Variants in KIAA1217 observed in about 807,000 individuals in gnomAD.
KIAA1217 encodes the protein sickle tail protein homolog.
Under a neutral mutation model 163.9 loss-of-function variants are expected in KIAA1217, and 88 were observed. The ratio of observed to expected loss-of-function variants is 0.54; its 90% confidence interval spans 0.45 to 0.64. The LOEUF (loss-of-function observed/expected upper bound fraction) is 0.64, where lower values mean the gene tolerates loss of function less well. Ranked by LOEUF, KIAA1217 falls within the 30% of genes least tolerant of loss-of-function variation. The pLI is 0.00. For synonymous variants in KIAA1217, 903 were observed against 923.1 expected (o/e 0.98, Z 0.39); for missense variants, 2,372 against 2,475.0 (o/e 0.96, Z 0.88).
chr10:24,516,751 A>C (rs2070239751), intron 10 of KIAA1217, among the ~76,000 whole-genome samples: 1 of 152,232 alleles, frequency 6.6e-6, no homozygotes, highest in African/African-American at 2.4e-5. Context: ...GGCAAAAGGC[A>C]GTGAGGCCTG....
intron 2 of KIAA1217, among the ~76,000 whole-genome samples, chr10:24,164,545 A>G (rs1420024157): frequency 6.6e-6 from 1 of 152,184 alleles, no homozygotes; most frequent in Non-Finnish European, 1.5e-5. Context: ...GGCACTCAAT[A>G]AATATTTGTT....
At chr10:23,914,343 C>A (rs1219298435) in intron 1 of KIAA1217, among the ~76,000 whole-genome samples, 1 of 152,134 alleles carries the variant, frequency 6.6e-6, no homozygotes, top group Non-Finnish European at 1.5e-5. Flanking sequence ...AAGATAGGAT[C>A]TCACTCTGTT....
intron 1 of KIAA1217, among the ~76,000 whole-genome samples, chr10:23,916,990 G>A (rs1204239386): frequency 1.5e-5 from 2 of 130,818 alleles, no homozygotes; most frequent in African/African-American, 3.1e-5. Context: ...AAAAAAAAAG[G>A]TTTGTCTTAG....
intron 1 of KIAA1217, among the ~76,000 whole-genome samples, chr10:23,935,087 T>C (rs756640562): frequency 3.3e-5 from 5 of 152,116 alleles, no homozygotes; most frequent in Non-Finnish European, 7.4e-5. Flanking sequence ...CATTTCTATT[T>C]AAGATAAGTA....
intron 1 of KIAA1217, among the ~76,000 whole-genome samples, chr10:23,854,707 G>A (rs2131109548): frequency 6.6e-6 from 1 of 152,268 alleles, no homozygotes; most frequent in East Asian, 1.9e-4. Flanking sequence ...CTTGTATTGG[G>A]TGCATATATA....
chr10:24,089,235 T>C (rs1393737779), intron 2 of KIAA1217, among the ~76,000 whole-genome samples: 1 of 124,948 alleles, frequency 8.0e-6, no homozygotes, highest in African/African-American at 2.5e-5. Context: ...TTTTCTCCCA[T>C]TCTGTAAGTT....
intron 5 of KIAA1217, among the ~76,000 whole-genome samples, chr10:24,459,929 T>C (rs1181772702): frequency 6.6e-6 from 1 of 152,162 alleles, no homozygotes; most frequent in African/African-American, 2.4e-5. Context: ...AGACCCTGTC[T>C]CTTTAAAACT....
rs1319835020 is a variant in KIAA1217 at position 24,501,635 on chromosome 10, T to C, written c.2001+90T>C. On this transcript the variant is annotated intron_variant, in intron 9 of 20. Coordinates refer to ENST00000376454, the MANE Select transcript of KIAA1217 (RefSeq NM_019590.5). ...AGGGGCTCCGTGAAGACCTAGAGAA[T>C]GTAGAACCATAGAAACAGCATGGCT... The C allele has an allele frequency of 6.5e-6, 8 of 1,231,786 alleles. No homozygotes were observed. In the East Asian group the frequency reaches 1.4e-4, roughly 22 times the overall value. 76.3% of individuals were successfully genotyped at this position (1,231,786 alleles called of 1,614,324 possible). A position where few individuals can be genotyped will look rare whatever the true frequency, so the allele number is the denominator to read the frequency against.
chr10:24,452,697 AAAT>A (rs1231025231), intron 5 of KIAA1217, among the ~76,000 whole-genome samples: 5 of 151,456 alleles, frequency 3.3e-5, no homozygotes, highest in Admixed American at 2.0e-4. Context: ...AAAAAAAAAA[AAAT>A]AGAATGAATG....
chr10:24,526,246 C>T (rs2072147504), intron 13 of KIAA1217, among the ~76,000 whole-genome samples: 1 of 152,022 alleles, frequency 6.6e-6, no homozygotes, highest in Non-Finnish European at 1.5e-5. Flanking sequence ...ACGGTCGCAG[C>T]CTCGGGGCCT....
At chr10:24,106,997 G>A (rs1459644028) in intron 2 of KIAA1217, among the ~76,000 whole-genome samples, 2 of 152,122 alleles carry the variant, frequency 1.3e-5, no homozygotes, top group Non-Finnish European at 2.9e-5. Context: ...AATGACCATA[G>A]TACCCAATAA....
At chr10:23,893,950 T>C (rs1396603600) in intron 1 of KIAA1217, among the ~76,000 whole-genome samples, 1 of 151,042 alleles carries the variant, frequency 6.6e-6, no homozygotes, top group Non-Finnish European at 1.5e-5. Flanking sequence ...CCCTTCATGC[T>C]AAAAACTCTC....
chr10:24,480,907 G>A (rs190055912), intron 6 of KIAA1217, among the ~76,000 whole-genome samples: 2 of 152,262 alleles, frequency 1.3e-5, no homozygotes, highest in Admixed American at 6.5e-5. Context: ...AGTAGCCAGG[G>A]TTGCACATCT....
chr10:23,820,329 A>G (rs1837561253), intron 1 of KIAA1217, among the ~76,000 whole-genome samples: 1 of 152,096 alleles, frequency 6.6e-6, no homozygotes, highest in Non-Finnish European at 1.5e-5. Flanking sequence ...AATTCCAACA[A>G]TTTTGTTTAA....
intron 1 of KIAA1217, among the ~76,000 whole-genome samples, chr10:23,954,219 C>A (rs1032864594): frequency 6.6e-6 from 1 of 151,978 alleles, no homozygotes; most frequent in Non-Finnish European, 1.5e-5. Context: ...GCAGATGCAC[C>A]CAGCAGGCAG....
chr10:24,419,050 G>A (rs887503745), intron 3 of KIAA1217, among the ~76,000 whole-genome samples: 3 of 151,630 alleles, frequency 2.0e-5, no homozygotes, highest in Non-Finnish European at 2.9e-5. Context: ...GGTGGCAAGT[G>A]CCTGTAATCC....
chr10:24,384,697 G>T lies in KIAA1217; in HGVS notation c.553+3630G>T, dbSNP rs552002185. Among the ~76,000 whole-genome samples, 175 of 151,952 alleles carry T rather than the reference G, an allele frequency of 1.2e-3. 1 individual carries two copies. The highest frequency in any genetic ancestry group is 4.0e-3 in the African/African-American group (165 of 41,384). On this transcript the variant is annotated intron_variant, in intron 3 of 20. Coordinates refer to ENST00000376454, the MANE Select transcript of KIAA1217 (RefSeq NM_019590.5). ...GACGCAGGTGCCTGCCACCATGCCT[G>T]GCTAATTTTTTAGTATTTTTAGTAG...
At chr10:23,991,443 C>G (rs1220478455) in intron 1 of KIAA1217, among the ~76,000 whole-genome samples, 1 of 152,112 alleles carries the variant, frequency 6.6e-6, no homozygotes, top group Non-Finnish European at 1.5e-5. Context: ...AGCTTATTCT[C>G]TAATTAAGAA....
At chr10:24,545,668 G>A (rs775802533) in intron 20 of KIAA1217, 159 bp from the exon 21 acceptor site, 5 of 1,441,840 alleles carry the variant, frequency 3.5e-6, no homozygotes, top group Non-Finnish European at 4.5e-6. Context: ...TTTCTACCAG[G>A]TCCAGTAGAG....
Sources: gnomAD v4.1 joint callset for allele counts (sites outside exome capture counted in the v4.1 genomes callset) on GRCh38, gnomAD v4.1.1 for gene constraint, MANE v1.5 for transcripts, NCBI Gene and HGNC (gene_info 2026-07-23, HGNC 2026-07-21) for gene names.